The following GPAM variants were observed in gnomAD, a reference collection of about 807,000 sequenced individuals.
The protein encoded by GPAM is glycerol-3-phosphate acyltransferase, mitochondrial, also known as glycerol-3-phosphate acyltransferase 1, mitochondrial.
In GPAM, 56 loss-of-function variants were observed where a neutral mutation model predicts 105.0. The observed-to-expected ratio is 0.53, with a 90% CI of 0.43 to 0.67. The LOEUF is 0.67. Ranked by LOEUF, GPAM falls within the 30% of genes least tolerant of loss-of-function variation. GPAM has a pLI of 0.00. For synonymous variants in GPAM, 368 were observed against 354.4 expected, an observed-to-expected ratio of 1.04 and a Z score of -0.43; for missense variants, 855 against 989.8, an observed-to-expected ratio of 0.86 and a Z score of 1.83.
In GPAM at chr10:112,178,105, C is replaced by G. The variant is rs368317494; in HGVS notation, c.226-48G>C. 8.9e-6 allele frequency: 8 copies of G among 902,114 alleles called. No individual in the cohort carries two copies. The African/African-American group carries it at 1.3e-4, about 15-fold the overall frequency. 55.9% of individuals were successfully genotyped at this position (902,114 alleles called of 1,614,324 possible). A position where few individuals can be genotyped will look rare whatever the true frequency, so the allele number is the denominator to read the frequency against. ...AGACATAAATACACAACTAGATTGA[C>G]GGTGAAGAGCTCTCATTATGAGTTC... On this transcript the variant is annotated intron_variant, in intron 4 of 21. Transcript: ENST00000348367.
intron 19 of GPAM, 148 bp from the exon 20 acceptor site, chr10:112,156,201 T>C: frequency 1.5e-6 from 1 of 679,256 alleles, no homozygotes; most frequent in South Asian, 1.6e-5. Context: ...CTGCCCCTCA[T>C]GCAGAGAATC....
upstream of GPAM, among the ~76,000 whole-genome samples, chr10:112,220,361 T>A (rs933881145): frequency 6.6e-6 from 1 of 152,232 alleles, no homozygotes; most frequent in African/African-American, 2.4e-5. Flanking sequence ...TTCTCCTGTC[T>A]TGATAAATTG....
intron 5 of GPAM, among the ~76,000 whole-genome samples, chr10:112,177,068 C>T (rs1847419790): frequency 6.6e-6 from 1 of 151,938 alleles, no homozygotes; most frequent in Non-Finnish European, 1.5e-5. Context: ...CAAAGTCTCT[C>T]CCCTCTTTTT....
At chr10:112,155,829 AAG>A in intron 20 of GPAM, 33 bp downstream of exon 20, 2 of 1,384,266 alleles carry the variant, frequency 1.4e-6, no homozygotes, top group Admixed American at 2.0e-5. Flanking sequence ...AAAAAAAAAA[AAG>A]ATTTTAAAAG....
intron 1 of GPAM, among the ~76,000 whole-genome samples, chr10:112,198,778 T>C (rs1029381710): frequency 6.6e-6 from 1 of 152,200 alleles, no homozygotes; most frequent in African/African-American, 2.4e-5. Flanking sequence ...AACCTATGTG[T>C]CCGTTGATGG....
chr10:112,168,308 T>G lies in GPAM; in HGVS notation c.1107+4A>C, dbSNP rs759821999. On this transcript the variant is annotated splice_donor_region_variant and intron_variant, in intron 11 of 21. Transcript: ENST00000348367. ...AAAGAAAACTTTTGTGTAGGTACCCTTACCAGTTGTTCACCATTGTAGTGA... is the reference window on the plus strand; with the variant it reads ...AAAGAAAACTTTTGTGTAGGTACCCGTACCAGTTGTTCACCATTGTAGTGA... The G allele has an allele frequency of 6.6e-7, 1 of 1,511,568 alleles. No homozygotes were observed. The highest frequency in any genetic ancestry group is 1.1e-5 in the South Asian group (1 of 89,040). The allele number at this position is 1,511,568 out of a possible 1,614,324, so 93.6% of individuals were successfully genotyped here.
chr10:112,220,620 T>A, the GPAM span, among the ~76,000 whole-genome samples: 2 of 152,166 alleles, frequency 1.3e-5, no homozygotes, highest in African/African-American at 4.8e-5. Context: ...CTTCTTATTG[T>A]ATGTCATCAC....
chr10:112,181,712 C>T lies in GPAM; in HGVS notation c.73G>A (p.Gly25Ser), dbSNP rs1377096477. ...YLPHSSEYSV[G>S]RCKHTSEEWG... ...TCCTCACTTGTGTGCTTACATCGAC[C>T]AACACTGTATTCTGATGAATGTGGC... The change falls in exon 3 of 22, where the codon GGT (glycine) becomes AGT (serine). Residue 25 changes from glycine (G) to serine (S), a missense_variant. Physicochemically the swap from Gly to Ser is moderately conservative, Grantham distance 56. Coordinates refer to ENST00000348367, the MANE Select transcript of GPAM (RefSeq NM_001244949.2). 3 of 1,606,888 alleles carry T rather than the reference C, an allele frequency of 1.9e-6. No individual in the cohort carries two copies. Among genetic ancestry groups the T allele is most frequent in the Admixed American group, 3.3e-5 (2 of 59,982 alleles).
intron 6 of GPAM, 105 bp downstream of exon 6, chr10:112,175,495 G>C: frequency 1.3e-6 from 1 of 759,198 alleles, no homozygotes; most frequent in Non-Finnish European, 2.4e-6. Flanking sequence ...CACTTCTTGA[G>C]ACACAGTCCC....
At chr10:112,218,785 T>C (rs1398879211), upstream of GPAM, among the ~76,000 whole-genome samples, 1 of 152,218 alleles carries the variant, frequency 6.6e-6, no homozygotes, top group East Asian at 1.9e-4. Context: ...TGAGGTTTTT[T>C]AGACTACACA....
upstream of GPAM, among the ~76,000 whole-genome samples, chr10:112,185,045 G>C (rs568833319): frequency 9.2e-5 from 14 of 152,318 alleles, no homozygotes; most frequent in East Asian, 2.5e-3. Flanking sequence ...AATAGTGCCT[G>C]ATCCTGGCAC....
upstream of GPAM, among the ~76,000 whole-genome samples, chr10:112,219,541 T>C (rs900472622): frequency 2.0e-5 from 3 of 152,250 alleles, no homozygotes; most frequent in Non-Finnish European, 4.4e-5. Flanking sequence ...GGCACGTCAC[T>C]GTCAGATTGA....
In GPAM at chr10:112,157,131, A is replaced by T. The variant is rs1847031271; in HGVS notation, c.2121+118T>A. 4.4e-6 allele frequency: 4 copies of T among 903,700 alleles called. No individual in the cohort carries two copies. In the East Asian group the frequency reaches 7.2e-5, roughly 16 times the overall value. The allele number at this position is 903,700 out of a possible 1,614,324, so 56.0% of individuals were successfully genotyped here. A position where few individuals can be genotyped will look rare whatever the true frequency, so the allele number is the denominator to read the frequency against. Reference sequence around the variant, plus strand: ...GTGTCTTTACCACACAGAAGGTACCAGAGCTAGTTGGGGGATTCTTTAGAT... The same window carrying T: ...GTGTCTTTACCACACAGAAGGTACCTGAGCTAGTTGGGGGATTCTTTAGAT... On this transcript the variant is annotated intron_variant, in intron 19 of 21. Coordinates refer to ENST00000348367, the MANE Select transcript of GPAM (RefSeq NM_001244949.2).
upstream of GPAM, among the ~76,000 whole-genome samples, chr10:112,218,838 G>A (rs1050559474): frequency 3.9e-5 from 6 of 152,186 alleles, no homozygotes; most frequent in African/African-American, 1.4e-4. Context: ...GGTGCACGTG[G>A]GAGTGTCTTT....
chr10:112,168,190 A>G, intron 11 of GPAM, 122 bp downstream of exon 11: 1 of 706,540 alleles, frequency 1.4e-6, no homozygotes, highest in African/African-American at 1.8e-5. Flanking sequence ...CACATTTCAT[A>G]CAGTGCTTTA....
intron 1 of GPAM, among the ~76,000 whole-genome samples, chr10:112,183,418 T>G (rs891032152): frequency 1.3e-5 from 2 of 152,224 alleles, no homozygotes; most frequent in African/African-American, 4.8e-5. Flanking sequence ...CCTCCGCGCG[T>G]GCAGATACTT....
intron 7 of GPAM, 95 bp from the exon 8 acceptor site, chr10:112,173,161 A>G: frequency 1.3e-6 from 1 of 764,850 alleles, no homozygotes; most frequent in South Asian, 1.4e-5. Flanking sequence ...ACTTAAATTT[A>G]TGGACCTACA....
chr10:112,163,227 C>T (rs1847153536), intron 14 of GPAM, among the ~76,000 whole-genome samples: 1 of 152,212 alleles, frequency 6.6e-6, no homozygotes. Context: ...CTGACAAGAA[C>T]ATAAGCTCAT....
upstream of GPAM, among the ~76,000 whole-genome samples, chr10:112,219,275 G>A (rs1847998493): frequency 6.6e-6 from 1 of 152,216 alleles, no homozygotes; most frequent in Non-Finnish European, 1.5e-5. Flanking sequence ...GGGTAGAGAG[G>A]AGGCTGAGCA....
Sources: allele counts gnomAD v4.1 joint callset (sites outside exome capture counted in the v4.1 genomes callset), GRCh38; gene constraint gnomAD v4.1.1; transcripts MANE v1.5; gene names NCBI Gene and HGNC (gene_info 2026-07-23, HGNC 2026-07-21).